Variants in OTC observed in about 807,000 individuals in gnomAD.
OTC encodes the protein ornithine transcarbamylase, mitochondrial.
Under a neutral mutation model 30.3 loss-of-function variants are expected in OTC, and 3 were observed. That is an observed-to-expected ratio of 0.10 (90% CI 0.05 to 0.26). The LOEUF is 0.26. Among genes scored for constraint, OTC ranks in the 10% least tolerant of loss-of-function variants. The probability of loss-of-function intolerance (pLI) is 1.00; values close to 1 mark genes in which losing one functional copy is unlikely to be tolerated. For missense variants in OTC, 194 were observed against 260.3 expected, an observed-to-expected ratio of 0.75 and a Z score of 1.75; for synonymous variants, 111 against 99.7, an observed-to-expected ratio of 1.11 and a Z score of -0.67.
At chrX:38,392,761 G>C (rs1295182785) in intron 4 of OTC, among the ~76,000 whole-genome samples, 1 of 111,834 alleles carries the variant, frequency 8.9e-6, no homozygotes, top group South Asian at 3.7e-4. Context: ...CGAAGCTCCT[G>C]TGGCTGAAAG....
intron 3 of OTC, among the ~76,000 whole-genome samples, chrX:38,376,539 C>T (rs5917584): frequency 0.15 from 17,016 of 110,995 alleles, 1,379 homozygotes; most frequent in Middle Eastern, 0.24. Context: ...GGAAGTTCTC[C>T]TCTTATTCCT....
intron 3 of OTC, among the ~76,000 whole-genome samples, chrX:38,377,633 C>T (rs950172622): frequency 2.7e-5 from 3 of 112,126 alleles, no homozygotes; most frequent in Non-Finnish European, 5.6e-5. Context: ...CAGATTTTCG[C>T]AACAGTCTCC....
chrX:38,384,869 A>G (rs1341216645), intron 4 of OTC, among the ~76,000 whole-genome samples: 1 of 112,726 alleles, frequency 8.9e-6, no homozygotes, highest in Non-Finnish European at 1.9e-5. Flanking sequence ...CAATTTCCAT[A>G]GTGCCACTTA....
chrX:38,358,430 C>A (rs997713333), intron 1 of OTC, among the ~76,000 whole-genome samples: 1 of 110,693 alleles, frequency 9.0e-6, no homozygotes, highest in Admixed American at 9.7e-5. Context: ...TAAACTGGGA[C>A]CATTGTATTT....
chrX:38,336,781 G>C, the OTC span, among the ~76,000 whole-genome samples: 1 of 110,409 alleles, frequency 9.1e-6, no homozygotes, highest in Admixed American at 9.7e-5. Flanking sequence ...GCCCTCCCTG[G>C]TAGGAATTGC....
chrX:38,398,203 A>C (rs1271907503), intron 4 of OTC, among the ~76,000 whole-genome samples: 1 of 111,785 alleles, frequency 8.9e-6, no homozygotes, highest in Non-Finnish European at 1.9e-5. Context: ...TGACTTCTCC[A>C]ATTGTTCTGC....
chrX:38,382,874 G>A (rs1022687772), intron 4 of OTC, among the ~76,000 whole-genome samples: 1 of 111,700 alleles, frequency 9.0e-6, no homozygotes, highest in Admixed American at 9.5e-5. Context: ...AAAAGGAGTT[G>A]AGCAGTGCAG....
intron 5 of OTC, among the ~76,000 whole-genome samples, chrX:38,402,288 T>G (rs72620786): frequency 8.9e-4 from 38 of 42,490 alleles, no homozygotes; most frequent in Non-Finnish European, 1.3e-3. Flanking sequence ...TGCTTCCCCC[T>G]GGGGCTTTAT....
intron 4 of OTC, 35 bp from the exon 5 acceptor site, chrX:38,401,240 T>C: frequency 9.1e-7 from 1 of 1,093,793 alleles, no homozygotes; most frequent in Non-Finnish European, 1.3e-6. Context: ...TTAAGCATAA[T>C]TATCTTAGAT....
chrX:38,344,230 T>TAC, the OTC span, among the ~76,000 whole-genome samples: 33 of 64,810 alleles, frequency 5.1e-4, no homozygotes, highest in Admixed American at 3.9e-3. Context: ...CTTTTGGTGA[T>TAC]ATATATATAT....
chrX:38,373,331 G>A (rs12390327), intron 3 of OTC, among the ~76,000 whole-genome samples: 1,330 of 112,109 alleles, frequency 0.012, 11 homozygotes, highest in African/African-American at 0.04. Flanking sequence ...GACTTCGTTC[G>A]CTTAACATTA....
chrX:38,369,148 C>G (rs759410831), intron 2 of OTC, among the ~76,000 whole-genome samples: 3 of 110,664 alleles, frequency 2.7e-5, no homozygotes, highest in Non-Finnish European at 5.7e-5. Flanking sequence ...CAAACACCTT[C>G]GAGGTCATTG....
At chrX:38,395,716 C>T (rs1167887363) in intron 4 of OTC, 1 of 134,158 alleles carries the variant, frequency 7.5e-6, no homozygotes, top group African/African-American at 3.1e-5. Context: ...CCTGTGTCCC[C>T]ATGGATGGCA....
Position 38,381,222 on chromosome X carries a change from G to A in OTC, c.299-120G>A, listed in dbSNP as rs928465195. The A allele has an allele frequency of 1.2e-5, 6 of 493,748 alleles. No homozygotes were observed. In the South Asian group the frequency reaches 1.6e-4, roughly 13 times the overall value. 40.7% of individuals were successfully genotyped at this position (493,748 alleles called of 1,213,427 possible). A position where few individuals can be genotyped will look rare whatever the true frequency, so the allele number is the denominator to read the frequency against. On this transcript the variant is annotated intron_variant, in intron 3 of 9. Transcript: ENST00000039007. ...CTTTGCATGGGAATTCTGTATCAGA[G>A]AAGTTGGAGAGCTTTAAAGATTTTG...
In OTC at chrX:38,421,296, C is replaced by A; in HGVS notation, c.*214C>A. 3 of 398,991 alleles carry A rather than the reference C, an allele frequency of 7.5e-6. No individual in the cohort carries two copies. Among genetic ancestry groups the A allele is most frequent in the Non-Finnish European group, 4.4e-6 (1 of 227,135 alleles). 32.9% of individuals were successfully genotyped at this position (398,991 alleles called of 1,213,427 possible). On this transcript the variant is annotated 3_prime_UTR_variant, in exon 10 of 10. Coordinates refer to ENST00000039007, the MANE Select transcript of OTC (RefSeq NM_000531.6). ...ACGTGCTTAACTTTGCTTAAACTCTCTAATTCCCAATTTCTGAGTTACATT... is the reference window on the plus strand; with the variant it reads ...ACGTGCTTAACTTTGCTTAAACTCTATAATTCCCAATTTCTGAGTTACATT...
intron 1 of OTC, among the ~76,000 whole-genome samples, chrX:38,366,154 G>A (rs2068294891): frequency 9.0e-6 from 1 of 111,664 alleles, no homozygotes; most frequent in African/African-American, 3.3e-5. Flanking sequence ...TCACTTAGAG[G>A]AACTGAAAGT....
intron 4 of OTC, among the ~76,000 whole-genome samples, chrX:38,386,038 G>A (rs1255573047): frequency 4.6e-5 from 5 of 109,179 alleles, no homozygotes; most frequent in African/African-American, 1.7e-4. Context: ...AGTGAGCCCA[G>A]ATCCTGCCAC....
At chrX:38,399,624 G>A (rs28557233) in intron 4 of OTC, among the ~76,000 whole-genome samples, 2 of 110,684 alleles carry the variant, frequency 1.8e-5, no homozygotes, top group Admixed American at 9.7e-5. Context: ...TGGCGAGCCT[G>A]TAATCCTAGC....
At chrX:38,348,706 T>A (rs893157091), upstream of OTC, among the ~76,000 whole-genome samples, 1 of 109,214 alleles carries the variant, frequency 9.2e-6, no homozygotes, top group South Asian at 4.0e-4. Context: ...CCAGCTAATT[T>A]TTTTGTATTT....
Sources: allele counts gnomAD v4.1 joint callset (sites outside exome capture counted in the v4.1 genomes callset), GRCh38; gene constraint gnomAD v4.1.1; transcripts MANE v1.5; gene names NCBI Gene and HGNC (gene_info 2026-07-23, HGNC 2026-07-21).